The following TOX variants were observed in gnomAD, a reference collection of about 807,000 sequenced individuals.
TOX encodes thymocyte selection-associated high mobility group box protein TOX.
A neutral mutation model predicts 53.7 loss-of-function variants in TOX; 11 were observed. That is an observed-to-expected ratio of 0.20 (90% CI 0.13 to 0.34). The LOEUF (loss-of-function observed/expected upper bound fraction) is 0.34, where lower values mean the gene tolerates loss of function less well. Among genes scored for constraint, TOX ranks in the 10% least tolerant of loss-of-function variants. TOX has a pLI of 1.00. For missense variants in TOX, 570 were observed against 664.6 expected, an observed-to-expected ratio of 0.86 and a Z score of 1.56; for synonymous variants, 225 against 245.3, an observed-to-expected ratio of 0.92 and a Z score of 0.77.
intron 1 of TOX, among the ~76,000 whole-genome samples, chr8:58,994,999 G>T (rs1230791952): frequency 6.6e-6 from 1 of 152,184 alleles, no homozygotes; most frequent in African/African-American, 2.4e-5. Context: ...TGTCAATAAA[G>T]TGTTCACGCA....
chr8:58,999,519 G>T (rs532823949), intron 1 of TOX, among the ~76,000 whole-genome samples: 45 of 152,320 alleles, frequency 3.0e-4, no homozygotes, highest in African/African-American at 1.1e-3. Context: ...GAGGTGGGAG[G>T]TGTGGAACTG....
intron 1 of TOX, among the ~76,000 whole-genome samples, chr8:59,006,242 C>A (rs1215821119): frequency 6.6e-6 from 1 of 152,184 alleles, no homozygotes; most frequent in African/African-American, 2.4e-5. Flanking sequence ...GGTCTTTGCA[C>A]ACATACACAG....
intron 3 of TOX, among the ~76,000 whole-genome samples, chr8:58,858,054 G>A (rs1810945271): frequency 6.6e-6 from 1 of 152,194 alleles, no homozygotes; most frequent in African/African-American, 2.4e-5. Context: ...ACAGGCGTGA[G>A]CCACTGTGAC....
At chr8:58,892,043 GA>G (rs376356450) in intron 3 of TOX, among the ~76,000 whole-genome samples, 5 of 151,124 alleles carry the variant, frequency 3.3e-5, no homozygotes, top group East Asian at 3.9e-4. Context: ...GTGTGAGAGG[GA>G]AAAAAAAACT....
At chr8:58,885,754 T>C (rs993523121) in intron 3 of TOX, among the ~76,000 whole-genome samples, 1 of 152,148 alleles carries the variant, frequency 6.6e-6, no homozygotes, top group East Asian at 1.9e-4. Context: ...GCTGTGTTGA[T>C]TTTCAGAGGT....
At chr8:58,900,073 T>C (rs2129172702) in intron 3 of TOX, among the ~76,000 whole-genome samples, 1 of 152,268 alleles carries the variant, frequency 6.6e-6, no homozygotes, top group African/African-American at 2.4e-5. Flanking sequence ...GAAGTTCTTC[T>C]ATTTGCAGTG....
rs61657323 is a variant in TOX, at chr8:59,041,073, CGTGTGTGTGT to C, written c.102+77803_102+77812del. Among the ~76,000 whole-genome samples, 239 of 143,922 alleles carry C rather than the reference CGTGTGTGTGT, an allele frequency of 1.7e-3. 1 individual carries two copies. Among genetic ancestry groups the C allele is most frequent in the African/African-American group, 5.3e-3 (204 of 38,748 alleles). 94.4% of individuals were successfully genotyped at this position (143,922 alleles called of 152,430 possible). ...AGGAGGCACTTCATAAAAGGGACTC[CGTGTGTGTGT>C]GTGTGTGTGTGTGTGTGTGTGTGTG... is the stretch of plus-strand genomic sequence containing the variant. On this transcript the variant is annotated intron_variant, in intron 1 of 8. Transcript: ENST00000361421.
intron 3 of TOX, among the ~76,000 whole-genome samples, chr8:58,894,653 G>A (rs1284387253): frequency 6.6e-6 from 1 of 152,160 alleles, no homozygotes; most frequent in Non-Finnish European, 1.5e-5. Context: ...CAGCACTTTG[G>A]GAGGCCGACG....
At chr8:58,990,510 G>A (rs1485871286) in intron 1 of TOX, among the ~76,000 whole-genome samples, 1 of 151,858 alleles carries the variant, frequency 6.6e-6, no homozygotes, top group African/African-American at 2.4e-5. Context: ...CTTAAACAGA[G>A]GAGAGAAAGC....
At chr8:58,963,683 T>C (rs1287883572) in intron 1 of TOX, among the ~76,000 whole-genome samples, 1 of 152,146 alleles carries the variant, frequency 6.6e-6, no homozygotes, top group Non-Finnish European at 1.5e-5. Context: ...CAGTGTTTTG[T>C]AGACTCCTCA....
intron 1 of TOX, among the ~76,000 whole-genome samples, chr8:58,964,038 T>C (rs1812847680): frequency 2.6e-5 from 4 of 151,966 alleles, no homozygotes; most frequent in Admixed American, 6.6e-5. Context: ...TTACAGTGGA[T>C]TAAGACTGAT....
intron 1 of TOX, among the ~76,000 whole-genome samples, chr8:58,979,894 A>T (rs1481069474): frequency 3.3e-5 from 5 of 152,226 alleles, no homozygotes; most frequent in African/African-American, 1.2e-4. Context: ...TGGTACATAC[A>T]AACTGCGTAA....
At position 59,013,815 on chromosome 8, in the gene TOX, ATTCAG is replaced by A. The variant is rs1465526502; in HGVS notation, c.103-53812_103-53808del. ...GATAGAAACACTTTTATTTAATTCAATTCAGTTAAGTAGACTCAGCAAGAAAAATC... is the reference window on the plus strand; with the variant it reads ...GATAGAAACACTTTTATTTAATTCAATTAAGTAGACTCAGCAAGAAAAATC... On this transcript the variant is annotated intron_variant, in intron 1 of 8. Transcript: ENST00000361421. 1.3e-4 allele frequency among the ~76,000 whole-genome samples: 20 copies of A among 152,324 alleles called. No individual in the cohort carries two copies. The South Asian group carries it at 4.1e-3, about 32-fold the overall frequency.
At chr8:58,966,025 T>C (rs1432332436) in intron 1 of TOX, among the ~76,000 whole-genome samples, 1 of 148,524 alleles carries the variant, frequency 6.7e-6, no homozygotes, top group Non-Finnish European at 1.5e-5. Context: ...ATAATACGCA[T>C]AGTTGTAATG....
intron 3 of TOX, among the ~76,000 whole-genome samples, chr8:58,926,557 A>G (rs1393470088): frequency 5.3e-5 from 8 of 152,242 alleles, no homozygotes; most frequent in African/African-American, 1.9e-4. Context: ...ACATTAGAAA[A>G]AGTAGCAGGA....
chr8:58,960,152 C>T (rs929117081), intron 1 of TOX, 144 bp from the exon 2 acceptor site: 2 of 828,546 alleles, frequency 2.4e-6, no homozygotes, highest in South Asian at 3.2e-5. Context: ...GAAAATCTGT[C>T]ACAGCAAGCG....
At chr8:59,109,703 T>A (rs1804978323) in intron 1 of TOX, among the ~76,000 whole-genome samples, 1 of 152,200 alleles carries the variant, frequency 6.6e-6, no homozygotes, top group Non-Finnish European at 1.5e-5. Context: ...TATAACTAAT[T>A]GTAAACATGA....
intron 1 of TOX, among the ~76,000 whole-genome samples, chr8:59,073,485 C>T (rs1483029928): frequency 6.6e-6 from 1 of 152,178 alleles, no homozygotes; most frequent in Non-Finnish European, 1.5e-5. Context: ...TAGTGAGTGT[C>T]TGAGGATCAT....
At chr8:59,043,282 C>T (rs1803626591) in intron 1 of TOX, among the ~76,000 whole-genome samples, 1 of 150,940 alleles carries the variant, frequency 6.6e-6, no homozygotes, top group Non-Finnish European at 1.5e-5. Flanking sequence ...ATTGGAGAAA[C>T]TATCAAAAAG....
Sources: gnomAD v4.1 joint callset for allele counts (sites outside exome capture counted in the v4.1 genomes callset) on GRCh38, gnomAD v4.1.1 for gene constraint, MANE v1.5 for transcripts, NCBI Gene and HGNC (gene_info 2026-07-23, HGNC 2026-07-21) for gene names.